The following UBASH3B variants were observed in gnomAD, a reference collection of about 807,000 sequenced individuals.
UBASH3B encodes ubiquitin-associated and SH3 domain-containing protein B.
A neutral mutation model predicts 83.4 loss-of-function variants in UBASH3B; 37 were observed. That is an observed-to-expected ratio of 0.44 (90% confidence interval 0.34 to 0.58). UBASH3B has a LOEUF of 0.58. Ranked by LOEUF, UBASH3B falls within the 20% of genes least tolerant of loss-of-function variation. UBASH3B has a pLI of 0.01. For synonymous variants in UBASH3B, 304 were observed against 318.3 expected (o/e 0.96, Z 0.48); for missense variants, 657 against 827.2 (o/e 0.79, Z 2.52).
intron 1 of UBASH3B, among the ~76,000 whole-genome samples, chr11:122,754,481 G>T (rs1861252501): frequency 6.6e-6 from 1 of 152,200 alleles, no homozygotes; most frequent in Admixed American, 6.5e-5. Context: ...TGAGTGTCTG[G>T]TATCTTCTAG....
intron 1 of UBASH3B, among the ~76,000 whole-genome samples, chr11:122,657,379 C>T (rs1164830102): frequency 1.3e-5 from 2 of 152,036 alleles, no homozygotes; most frequent in Admixed American, 1.3e-4. Context: ...ACTTCCGCCT[C>T]CCAGGTTCAA....
At chr11:122,708,291 CTTT>C (rs11442792) in intron 1 of UBASH3B, among the ~76,000 whole-genome samples, 3 of 127,656 alleles carry the variant, frequency 2.4e-5, no homozygotes, top group African/African-American at 2.9e-5. Flanking sequence ...CTTTGCTTGG[CTTT>C]TTTTTTTTTT....
intron 1 of UBASH3B, among the ~76,000 whole-genome samples, chr11:122,731,885 A>T (rs1198793467): frequency 6.6e-6 from 1 of 152,202 alleles, no homozygotes; most frequent in Non-Finnish European, 1.5e-5. Flanking sequence ...GTCCTAGCCT[A>T]GAGCACTGCA....
intron 1 of UBASH3B, among the ~76,000 whole-genome samples, chr11:122,702,074 A>C (rs1382075860): frequency 2.0e-5 from 3 of 152,196 alleles, no homozygotes; most frequent in Non-Finnish European, 4.4e-5. Context: ...CTTTGAGGAC[A>C]GATGCTGTGT....
chr11:122,659,466 T>G (rs1257698005), intron 1 of UBASH3B, among the ~76,000 whole-genome samples: 1 of 152,158 alleles, frequency 6.6e-6, no homozygotes, highest in African/African-American at 2.4e-5. Flanking sequence ...CCTCCTCTAC[T>G]TCAACCCAGA....
chr11:122,688,092 T>C (rs1244722291), intron 1 of UBASH3B, among the ~76,000 whole-genome samples: 1 of 152,134 alleles, frequency 6.6e-6, no homozygotes, highest in East Asian at 1.9e-4. Flanking sequence ...ACCTATTTAC[T>C]GCACACCTCA....
chr11:122,761,948 C>T (rs1006595279), intron 1 of UBASH3B, among the ~76,000 whole-genome samples: 10 of 151,826 alleles, frequency 6.6e-5, no homozygotes, highest in East Asian at 1.9e-4. Context: ...TGCACCACCA[C>T]GCCCAGCTAA....
rs1861252144 is a variant in UBASH3B at position 122,801,170 on chromosome 11, C to T, written c.1451-18C>T. 6.2e-7 allele frequency: 1 copy of T among 1,611,760 alleles called. No individual in the cohort carries two copies. The highest frequency in any genetic ancestry group is 1.3e-5 in the African/African-American group (1 of 74,850). On this transcript the variant is annotated intron_variant, in intron 10 of 13. Transcript: ENST00000284273. ...TCCACAGGCACTTTCTTCATCTTCA[C>T]TGTATTTTACCCCTAAGGTTTACAA...
chr11:122,721,491 T>G (rs1033531382), intron 1 of UBASH3B, among the ~76,000 whole-genome samples: 11 of 152,224 alleles, frequency 7.2e-5, no homozygotes, highest in Non-Finnish European at 1.2e-4. Flanking sequence ...GCTCAAAGCT[T>G]GCTTAAGGAT....
Position 122,666,563 on chromosome 11 carries a change from C to T in UBASH3B, c.161+10353C>T, listed in dbSNP as rs577954884. Among the ~76,000 whole-genome samples, 10 of 152,096 alleles carry T rather than the reference C, an allele frequency of 6.6e-5. No individual in the cohort carries two copies. In the East Asian group the frequency reaches 1.7e-3, roughly 27 times the overall value. On this transcript the variant is annotated intron_variant, in intron 1 of 13. Transcript: ENST00000284273. ...CCTCCTGAGTAGCTGGGATTACAGG[C>T]GCGCGCCTCCATGCTCAGCTGATTT...
intron 1 of UBASH3B, among the ~76,000 whole-genome samples, chr11:122,721,645 T>C (rs1352636580): frequency 1.3e-5 from 2 of 152,194 alleles, no homozygotes; most frequent in African/African-American, 2.4e-5. Context: ...TTATTTAAAG[T>C]TATTTCCAGT....
chr11:122,688,650 A>AT (rs1330201518), intron 1 of UBASH3B, among the ~76,000 whole-genome samples: 38 of 72,628 alleles, frequency 5.2e-4, no homozygotes, highest in African/African-American at 9.4e-4. Flanking sequence ...ATTTTATTTT[A>AT]TTTTATTTTT....
intron 1 of UBASH3B, among the ~76,000 whole-genome samples, chr11:122,736,020 G>A (rs1016976112): frequency 6.6e-6 from 1 of 152,186 alleles, no homozygotes; most frequent in Admixed American, 6.5e-5. Context: ...TGGGAGAGAA[G>A]ACAGGAAACC....
chr11:122,743,570 GTAAAATGGGTATAC>G (rs1292546776), intron 1 of UBASH3B, among the ~76,000 whole-genome samples: 1 of 152,092 alleles, frequency 6.6e-6, no homozygotes, highest in Non-Finnish European at 1.5e-5. Flanking sequence ...TTCCTCATCT[GTAAAATGGGTATAC>G]TATTAGCCTC....
intron 1 of UBASH3B, among the ~76,000 whole-genome samples, chr11:122,739,846 A>G (rs1860996251): frequency 3.3e-5 from 5 of 152,224 alleles, no homozygotes; most frequent in Admixed American, 3.3e-4. Flanking sequence ...TACAAGATGG[A>G]TAACACATCC....
intron 1 of UBASH3B, among the ~76,000 whole-genome samples, chr11:122,699,395 A>C (rs1864004785): frequency 6.6e-6 from 1 of 152,194 alleles, no homozygotes; most frequent in South Asian, 2.1e-4. Context: ...CATTTCCTGC[A>C]ACCTCTATGC....
intron 1 of UBASH3B, among the ~76,000 whole-genome samples, chr11:122,773,665 A>T (rs1860685180): frequency 6.6e-6 from 1 of 152,164 alleles, no homozygotes; most frequent in Non-Finnish European, 1.5e-5. Context: ...AGAACAAAGA[A>T]TTTGGATTTC....
chr11:122,700,974 C>T (rs1437397670), intron 1 of UBASH3B, among the ~76,000 whole-genome samples: 1 of 152,150 alleles, frequency 6.6e-6, no homozygotes, highest in Non-Finnish European at 1.5e-5. Context: ...CACCCTGCTC[C>T]ACATTAAACC....
At chr11:122,767,928 G>A (rs1860577874) in intron 1 of UBASH3B, among the ~76,000 whole-genome samples, 2 of 152,170 alleles carry the variant, frequency 1.3e-5, no homozygotes, top group South Asian at 4.1e-4. Flanking sequence ...TCTTAATGAT[G>A]TCTCTGCGTT....
Sources: allele counts gnomAD v4.1 joint callset (sites outside exome capture counted in the v4.1 genomes callset), GRCh38; gene constraint gnomAD v4.1.1; transcripts MANE v1.5; gene names NCBI Gene and HGNC (gene_info 2026-07-23, HGNC 2026-07-21).